The following NRG2 variants were observed in gnomAD, a reference collection of about 807,000 sequenced individuals.
NRG2 encodes the protein neuregulin 2.
NRG2 carries 27 observed loss-of-function variants against 73.9 expected under a neutral mutation model. The ratio of observed to expected loss-of-function variants is 0.37; its 90% confidence interval spans 0.27 to 0.50. NRG2 has a LOEUF of 0.50. Ranked by LOEUF, NRG2 falls within the 20% of genes least tolerant of loss-of-function variation. The probability of loss-of-function intolerance (pLI) is 0.96; values close to 1 mark genes in which losing one functional copy is unlikely to be tolerated. For synonymous variants in NRG2, 532 were observed against 541.0 expected (o/e 0.98, Z 0.23); for missense variants, 1,126 against 1,210.1 (o/e 0.93, Z 1.03).
chr5:140,002,113 G>A (rs1352216786), intron 1 of NRG2, among the ~76,000 whole-genome samples: 1 of 152,132 alleles, frequency 6.6e-6, no homozygotes, highest in Non-Finnish European at 1.5e-5. Context: ...GAGCCTGGGA[G>A]GTCAAGGCTA....
intron 1 of NRG2, among the ~76,000 whole-genome samples, chr5:139,971,446 C>A (rs1755963632): frequency 6.6e-6 from 1 of 152,180 alleles, no homozygotes; most frequent in South Asian, 2.1e-4. Flanking sequence ...AAACTCCTTT[C>A]ACAATGGCAA....
chr5:139,922,964 G>T (rs193032595), intron 1 of NRG2, among the ~76,000 whole-genome samples: 2 of 152,328 alleles, frequency 1.3e-5, no homozygotes, highest in Admixed American at 1.3e-4. Context: ...GAGGAATGAA[G>T]AGGTGAAGCA....
chr5:139,848,507 C>CG lies in NRG2; in HGVS notation c.1962dup (p.Gly655ArgfsTer21). 7.3e-7 allele frequency: 1 copy of CG among 1,377,510 alleles called. No homozygotes were observed. The highest frequency in any genetic ancestry group is 1.7e-5 in the South Asian group (1 of 57,576). The allele number at this position is 1,377,510 out of a possible 1,614,324, so 85.3% of individuals were successfully genotyped here. A position where few individuals can be genotyped will look rare whatever the true frequency, so the allele number is the denominator to read the frequency against. On this transcript the variant is annotated frameshift_variant, in exon 10 of 10. Transcript: ENST00000361474. LOFTEE classifies it high-confidence loss of function. ...CCGGGCCCGGGTCCGGGTCCCGGGC[C>CG]GGGGGGCGCCGGGTGCCGCAGTAAC...
At chr5:140,039,011 T>A (rs1761711478) in intron 1 of NRG2, among the ~76,000 whole-genome samples, 1 of 152,248 alleles carries the variant, frequency 6.6e-6, no homozygotes, top group Non-Finnish European at 1.5e-5. Context: ...TTCTCTAATA[T>A]GTGAATCTGG....
intron 1 of NRG2, among the ~76,000 whole-genome samples, chr5:140,029,959 G>A (rs1241712292): frequency 6.6e-6 from 1 of 152,112 alleles, no homozygotes; most frequent in Non-Finnish European, 1.5e-5. Flanking sequence ...AAATTTTAAG[G>A]CTGACTGGGT....
At chr5:140,019,276 C>T (rs537131470) in intron 1 of NRG2, among the ~76,000 whole-genome samples, 17 of 152,224 alleles carry the variant, frequency 1.1e-4, no homozygotes, top group Admixed American at 2.0e-4. Context: ...CTGAAAAACA[C>T]AGCCCAGTTC....
At chr5:140,041,713 G>A (rs1017244968) in intron 1 of NRG2, among the ~76,000 whole-genome samples, 1 of 149,510 alleles carries the variant, frequency 6.7e-6, no homozygotes, top group Admixed American at 6.7e-5. Context: ...CTTAAGAGAA[G>A]GATGTGCTAC....
intron 5 of NRG2, among the ~76,000 whole-genome samples, chr5:139,858,225 G>A (rs1325678804): frequency 6.6e-6 from 1 of 152,166 alleles, no homozygotes; most frequent in South Asian, 2.1e-4. Context: ...GTGCTTCAGA[G>A]ATGCTGGAAG....
chr5:139,889,952 G>A (rs1764099744), intron 1 of NRG2, among the ~76,000 whole-genome samples: 1 of 152,320 alleles, frequency 6.6e-6, no homozygotes, highest in South Asian at 2.1e-4. Context: ...ACAAAGGTTA[G>A]CTATTATTAT....
chr5:139,866,402 A>G (rs1762474516), intron 4 of NRG2, among the ~76,000 whole-genome samples: 1 of 152,208 alleles, frequency 6.6e-6, no homozygotes, highest in African/African-American at 2.4e-5. Context: ...TTGTGGTAGA[A>G]CATGGTTTGG....
chr5:139,876,271 A>G (rs1763169853), intron 3 of NRG2, among the ~76,000 whole-genome samples: 1 of 152,160 alleles, frequency 6.6e-6, no homozygotes, highest in Admixed American at 6.5e-5. Context: ...AAAAGGCCAC[A>G]TATTGTATGA....
intron 1 of NRG2, among the ~76,000 whole-genome samples, chr5:140,024,587 T>C (rs1760526875): frequency 6.6e-6 from 1 of 152,204 alleles, no homozygotes; most frequent in African/African-American, 2.4e-5. Context: ...AAGCCAGTTG[T>C]CCTAATTTGG....
At chr5:139,939,247 T>TTC (rs1561694683) in intron 1 of NRG2, among the ~76,000 whole-genome samples, 6,949 of 124,112 alleles carry the variant, frequency 0.056, 180 homozygotes, top group South Asian at 0.076. Context: ...TTCCTTCCTT[T>TTC]CTTTCTTTCT....
chr5:139,938,898 AAG>A, intron 1 of NRG2, among the ~76,000 whole-genome samples: 1 of 71,020 alleles, frequency 1.4e-5, no homozygotes, highest in East Asian at 3.7e-4. Flanking sequence ...GAAAGAAAGA[AAG>A]AAAGAAAAGA....
rs774895633 is a variant in NRG2, at chr5:139,865,572, A to G, written c.1166T>C (p.Leu389Ser). 2 of 1,612,326 alleles carry G rather than the reference A, an allele frequency of 1.2e-6. No individual in the cohort carries two copies. The highest frequency in any genetic ancestry group is 1.7e-6 in the Non-Finnish European group (2 of 1,179,552). Reference sequence around the variant, plus strand: ...ACTTTGCTTAGGATCTGGCATGTACAATCGCAAAGGCAGTTTCTCCAAACA... The same window carrying G: ...ACTTTGCTTAGGATCTGGCATGTACGATCGCAAAGGCAGTTTCTCCAAACA... ...QRCLEKLPLR[L>S]YMPDPKQKAE... is the part of the protein sequence containing the mutation. The change falls in exon 5 of 10, where the codon TTG (leucine) becomes TCG (serine). Residue 389 changes from leucine (L) to serine (S), a missense_variant. Leu to Ser is a moderately radical substitution (Grantham distance 145). This residue lies in a region of NRG2 where 539 missense variants were observed against 703.2 expected (regional missense o/e 0.77). Coordinates refer to ENST00000361474, the MANE Select transcript of NRG2 (RefSeq NM_004883.3). The surrounding 1 kb of genome is among the most constrained non-coding windows in gnomAD (Gnocchi z 5.2).
In NRG2 at chr5:140,029,098, C is replaced by T. The variant is rs1261607904; in HGVS notation, c.700+13272G>A. On this transcript the variant is annotated intron_variant, in intron 1 of 9. Coordinates refer to ENST00000361474, the MANE Select transcript of NRG2 (RefSeq NM_004883.3). ...CTAAAATACATGAAAGATACTAAAC[C>T]TCCTAGCTGAGCCCCTCAATTCCCA... 2.0e-5 allele frequency among the ~76,000 whole-genome samples: 3 copies of T among 152,230 alleles called. No homozygotes were observed. In the East Asian group the frequency reaches 5.8e-4, roughly 29 times the overall value.
At chr5:139,918,787 G>T (rs965839517) in intron 1 of NRG2, among the ~76,000 whole-genome samples, 1 of 152,146 alleles carries the variant, frequency 6.6e-6, no homozygotes, top group South Asian at 2.1e-4. Flanking sequence ...ACTGCTGAGG[G>T]ATATCAATTT....
At chr5:139,892,000 G>A (rs543890368) in intron 1 of NRG2, among the ~76,000 whole-genome samples, 185 of 152,254 alleles carry the variant, frequency 1.2e-3, no homozygotes, top group African/African-American at 3.5e-3. Flanking sequence ...ACGGTTCCTC[G>A]GAATCATCTG....
intron 1 of NRG2, among the ~76,000 whole-genome samples, chr5:139,998,983 C>T (rs773497730): frequency 3.3e-5 from 5 of 152,114 alleles, no homozygotes; most frequent in Non-Finnish European, 5.9e-5. Context: ...CTGTCCTATG[C>T]GAGTTCAGAT....
Sources: allele counts gnomAD v4.1 joint callset (sites outside exome capture counted in the v4.1 genomes callset), GRCh38; gene constraint gnomAD v4.1.1; regional missense constraint gnomAD v4.1.1; non-coding constraint Gnocchi (gnomAD v3.1); transcripts MANE v1.5; gene names NCBI Gene and HGNC (gene_info 2026-07-23, HGNC 2026-07-21).